The following TLR1 variants were observed in gnomAD, a reference collection of about 807,000 sequenced individuals.
TLR1 encodes toll like receptor 1, also known as toll-like receptor 1.
In TLR1, 19 loss-of-function variants were observed where a neutral mutation model predicts 20.2. The observed-to-expected ratio is 0.94, with a 90% confidence interval of 0.66 to 1.38. TLR1 has a LOEUF of 1.38. Among genes scored for constraint, TLR1 ranks in the 40% most tolerant of loss-of-function variants. The pLI, the probability that TLR1 is intolerant of heterozygous loss-of-function variation, is 0.00. For synonymous variants in TLR1, 320 were observed against 334.5 expected (o/e 0.96, Z 0.47); for missense variants, 921 against 910.0 (o/e 1.01, Z -0.16).
downstream of TLR1, among the ~76,000 whole-genome samples, chr4:38,795,519 G>C (rs1423263982): frequency 6.6e-6 from 1 of 152,184 alleles, no homozygotes; most frequent in African/African-American, 2.4e-5. Flanking sequence ...CTAATCAAAA[G>C]AGCAAAGGCT....
At chr4:38,803,830 T>G (rs772917790) in intron 2 of TLR1, among the ~76,000 whole-genome samples, 2 of 152,180 alleles carry the variant, frequency 1.3e-5, no homozygotes, top group Admixed American at 1.3e-4. Flanking sequence ...TGCCTCTAGG[T>G]GAGCTTCTGT....
In TLR1 at chr4:38,802,620, A is replaced by G. The variant is rs146309028; in HGVS notation, c.-159-1672T>C. ...CCCCAAGTAATAGGTTAAACTGGGC[A>G]CTTGGATCTCTCAAGTTGCCCACTT... On this transcript the variant is annotated intron_variant, in intron 2 of 3. Coordinates refer to ENST00000308979, the MANE Select transcript of TLR1 (RefSeq NM_003263.4). 8.8e-3 allele frequency among the ~76,000 whole-genome samples: 1,345 copies of G among 152,326 alleles called. 20 individuals are homozygous for G. The highest frequency in any genetic ancestry group is 0.031 in the African/African-American group (1,279 of 41,570).
In TLR1 at chr4:38,797,691, T is replaced by A; in HGVS notation, c.1141A>T (p.Met381Leu). 1 of 1,614,014 alleles carries A rather than the reference T, an allele frequency of 6.2e-7. No individual in the cohort carries two copies. The change falls in exon 4 of 4, where the codon ATG (methionine) becomes TTG (leucine). Residue 381 changes from methionine to leucine, a missense_variant. Coordinates refer to ENST00000308979, the MANE Select transcript of TLR1 (RefSeq NM_003263.4). ...TTTGAAAGTTCTTTTAATTGATTCA[T>A]TTGTAAAATAAGTGTCTCCAACTCA... ...LTELETLILQ[M>L]NQLKELSKIA...
upstream of TLR1, chr4:38,805,039 T>A (rs1726932494): frequency 6.6e-6 from 1 of 152,260 alleles, no homozygotes; most frequent in African/African-American, 2.4e-5. Flanking sequence ...TTTACTATTG[T>A]CTACACTGAT....
intron 1 of TLR1, 52 bp downstream of exon 1, chr4:38,804,702 A>T (rs774830516): frequency 6.6e-5 from 10 of 152,216 alleles, no homozygotes; most frequent in Non-Finnish European, 1.5e-4. Context: ...TGTACTTAAT[A>T]ACTAGCTATA....
chr4:38,799,256 C>T (rs145753249), intron 3 of TLR1, among the ~76,000 whole-genome samples: 31 of 152,234 alleles, frequency 2.0e-4, no homozygotes, highest in Non-Finnish European at 3.2e-4. Context: ...GAGATCATCC[C>T]AAATTATCCA....
At chr4:38,799,022 T>G in intron 3 of TLR1, 124 bp from the exon 4 acceptor site, 1 of 502,532 alleles carries the variant, frequency 2.0e-6, no homozygotes. Flanking sequence ...TACATTCTTT[T>G]GGGTTACATG....
upstream of TLR1, chr4:38,805,433 T>C (rs1726952518): frequency 6.6e-6 from 1 of 152,352 alleles, no homozygotes; most frequent in Admixed American, 6.5e-5. Flanking sequence ...AAGAGATTCT[T>C]AGCGTGTTTT....
At chr4:38,794,633 T>C (rs1357633539), downstream of TLR1, 3 of 140,768 alleles carry the variant, frequency 2.1e-5, no homozygotes, top group Admixed American at 1.4e-4. Context: ...CAAGACCTAA[T>C]GGAAAAAAAA....
chr4:38,789,355 C>T (rs1176424226), downstream of TLR1, among the ~76,000 whole-genome samples: 1 of 152,130 alleles, frequency 6.6e-6, no homozygotes, highest in Non-Finnish European at 1.5e-5. Context: ...TTTGTCAAAG[C>T]ATTTTGTTTT....
At chr4:38,792,252 C>T (rs1464346350), downstream of TLR1, among the ~76,000 whole-genome samples, 1 of 152,170 alleles carries the variant, frequency 6.6e-6, no homozygotes, top group Non-Finnish European at 1.5e-5. Context: ...TATTGTTCCA[C>T]TGGAGAGACC....
Position 38,797,961 on chromosome 4 carries a change from C to T in TLR1, c.871G>A (p.Asp291Asn), listed in dbSNP as rs1305777943. 1 of 1,614,172 alleles carries T rather than the reference C, an allele frequency of 6.2e-7. No homozygotes were observed. Residue 291 changes from aspartate (D) to asparagine (N), a missense_variant, in exon 4 of 4, where the codon GAT (aspartate) becomes AAT (asparagine). By Grantham distance (23) the Asp-to-Asn change is conservative. Transcript: ENST00000308979. ...VKLQGQLDFR[D>N]FDYSGTSLKA... ...AAGGAAGTGCCAGAATAATCAAAAT[C>T]TCTGAAGTCCAGCTGACCCTGTAGC...
intron 3 of TLR1, among the ~76,000 whole-genome samples, chr4:38,799,765 G>A (rs1359405793): frequency 3.9e-5 from 6 of 152,058 alleles, no homozygotes; most frequent in African/African-American, 1.2e-4. Context: ...TCTAACTTTG[G>A]TCTTACTCAA....
exon 4 of TLR1, chr4:38,791,110 G>A (rs2109335050): frequency 6.6e-6 from 1 of 152,336 alleles, no homozygotes; most frequent in East Asian, 1.9e-4. Context: ...AGCCAAGGAG[G>A]GCAGTGCGAG....
At chr4:38,804,628 T>C (rs907481020) in intron 1 of TLR1, 126 bp downstream of exon 1, 1 of 152,214 alleles carries the variant, frequency 6.6e-6, no homozygotes, top group African/African-American at 2.4e-5. Flanking sequence ...AGTAACTATA[T>C]ACATATCAGA....
At chr4:38,792,498 C>A (rs1560451762), downstream of TLR1, among the ~76,000 whole-genome samples, 1 of 152,066 alleles carries the variant, frequency 6.6e-6, no homozygotes, top group African/African-American at 2.4e-5. Flanking sequence ...TCACTGCAGC[C>A]TCGAATGCCT....
chr4:38,789,993 A>G (rs1410723526), downstream of TLR1, among the ~76,000 whole-genome samples: 2 of 152,186 alleles, frequency 1.3e-5, no homozygotes, highest in African/African-American at 2.4e-5. Context: ...TGCTTCTATG[A>G]TAATTTTCCT....
Position 38,798,309 on chromosome 4 carries a change from A to G in TLR1, c.523T>C (p.Tyr175His), listed in dbSNP as rs1410833715. 1 of 1,613,372 alleles carries G rather than the reference A, an allele frequency of 6.2e-7. No homozygotes were observed. The highest frequency in any genetic ancestry group is 1.7e-5 in the Admixed American group (1 of 59,940). Reference protein sequence around the residue: ...SKVLLVLGETYGEKEDPEGLQ... With the variant: ...SKVLLVLGETHGEKEDPEGLQ... The stretch of plus-strand genomic sequence containing the variant: ...CCCTCAGGGTCTTCTTTTTCCCCAT[A>G]AGTCTCTCCTAAGACCAGCAAGACC... Residue 175 changes from tyrosine to histidine, a missense_variant, in exon 4 of 4, where the codon TAT becomes CAT. By Grantham distance (83) the Tyr-to-His change is moderately conservative. Coordinates refer to ENST00000308979, the MANE Select transcript of TLR1 (RefSeq NM_003263.4).
chr4:38,797,986 C>A lies in TLR1; in HGVS notation c.846G>T (p.Lys282Asn). 1 of 1,614,186 alleles carries A rather than the reference C, an allele frequency of 6.2e-7. No individual in the cohort carries two copies. Among genetic ancestry groups the A allele is most frequent in the Non-Finnish European group, 8.5e-7 (1 of 1,180,042 alleles). The stretch of plus-strand genomic sequence containing the variant: ...CTCTGAAGTCCAGCTGACCCTGTAG[C>A]TTCACGTTTGAAATTGAGAAATACC... ...TVWYFSISNVKLQGQLDFRDF... is the reference protein window; with the variant it reads ...TVWYFSISNVNLQGQLDFRDF... The change falls in exon 4 of 4, where the codon AAG becomes AAT. Residue 282 changes from lysine (K) to asparagine (N), a missense_variant. By Grantham distance (94) the Lys-to-Asn change is moderately conservative (BLOSUM62 0). Transcript: ENST00000308979.
Sources: allele counts gnomAD v4.1 joint callset (sites outside exome capture counted in the v4.1 genomes callset), GRCh38; gene constraint gnomAD v4.1.1; transcripts MANE v1.5; gene names NCBI Gene and HGNC (gene_info 2026-07-23, HGNC 2026-07-21).